The following ZNF736 variants were observed in gnomAD, a reference collection of about 807,000 sequenced individuals.
The protein encoded by ZNF736 is zinc finger protein 736, also known as KRAB-containing zinc-finger repressor protein.
In ZNF736, 6 loss-of-function variants were observed where a neutral mutation model predicts 11.7. The ratio of observed to expected loss-of-function variants is 0.51; its 90% CI spans 0.28 to 1.01. The LOEUF (loss-of-function observed/expected upper bound fraction) is 1.01. Among genes scored for constraint, ZNF736 ranks in the 50% least tolerant of loss-of-function variants. The pLI, the probability that ZNF736 is intolerant of heterozygous loss-of-function variation, is 0.09. For missense variants in ZNF736, 444 were observed against 496.0 expected (o/e 0.90, Z 1.00); for synonymous variants, 139 against 164.7 (o/e 0.84, Z 1.19).
At chr7:64,325,135 GC>G (rs1789066007) in intron 1 of ZNF736, among the ~76,000 whole-genome samples, 1 of 150,366 alleles carries the variant, frequency 6.7e-6, no homozygotes, top group Non-Finnish European at 1.5e-5. Flanking sequence ...TTAAATACAC[GC>G]TTAGGTTGAA....
At chr7:64,337,925 T>C (rs1789283156) in intron 3 of ZNF736, among the ~76,000 whole-genome samples, 1 of 152,090 alleles carries the variant, frequency 6.6e-6, no homozygotes, top group African/African-American at 2.4e-5. Context: ...CGGCTAATTT[T>C]GTATTTTTTA....
chr7:64,318,507 A>G (rs1046811145), intron 1 of ZNF736, among the ~76,000 whole-genome samples: 3 of 152,072 alleles, frequency 2.0e-5, no homozygotes, highest in Non-Finnish European at 4.4e-5. Flanking sequence ...CTAAAGTTAA[A>G]CTTCCTATTA....
chr7:64,351,464 G>T lies in ZNF736; in HGVS notation c.*2317G>T, dbSNP rs73135633. On this transcript the variant is annotated 3_prime_UTR_variant, in exon 4 of 4. Transcript: ENST00000423484. ...TTCATGAGTCAGGCATGTCCCTCCAGTGCAGATGCTCTGGTATGAGCTTCC... is the reference window on the plus strand; with the variant it reads ...TTCATGAGTCAGGCATGTCCCTCCATTGCAGATGCTCTGGTATGAGCTTCC... 9.6e-3 allele frequency: 1,471 copies of T among 152,452 alleles called. 15 individuals carry two copies. The highest frequency in any genetic ancestry group is 0.017 in the Middle Eastern group (5 of 294). The allele number at this position is 152,452 out of a possible 1,614,324, so 9.4% of individuals were successfully genotyped here.
At position 64,336,294 on chromosome 7, in the gene ZNF736, CTCCCCAGAAGAGTG is replaced by C. The variant is rs1789248095; in HGVS notation, c.40_53del (p.Ser14GlyfsTer12). The C allele has an allele frequency of 6.2e-7, 1 of 1,612,982 alleles. No individual in the cohort carries two copies. Among genetic ancestry groups the C allele is most frequent in the African/African-American group, 1.3e-5 (1 of 74,896 alleles). Reference sequence around the variant, plus strand: ...CATTCAGGGATGTGGCTGTAGAATTCTCCCCAGAAGAGTGGGAATGCCTGGACTCTGCTCAGCAG... The same window carrying C: ...CATTCAGGGATGTGGCTGTAGAATTCGGAATGCCTGGACTCTGCTCAGCAG... On this transcript the variant is annotated frameshift_variant, in exon 2 of 4. Transcript: ENST00000423484. LOFTEE classifies it high-confidence loss of function.
intron 1 of ZNF736, among the ~76,000 whole-genome samples, chr7:64,324,885 G>A (rs1206352266): frequency 6.6e-6 from 1 of 152,138 alleles, no homozygotes. Flanking sequence ...AATTATTCTG[G>A]GTCTTAAAGG....
At chr7:64,334,331 A>G (rs1043980864) in intron 1 of ZNF736, among the ~76,000 whole-genome samples, 3 of 152,228 alleles carry the variant, frequency 2.0e-5, no homozygotes, top group African/African-American at 7.2e-5. Context: ...CTGCATAGCA[A>G]AAGAAACTGT....
At chr7:64,346,672 C>T (rs1232119041) in intron 3 of ZNF736, among the ~76,000 whole-genome samples, 1 of 151,946 alleles carries the variant, frequency 6.6e-6, no homozygotes, top group East Asian at 1.9e-4. Context: ...TTAGAAATCT[C>T]TTTGTGTTAT....
intron 1 of ZNF736, among the ~76,000 whole-genome samples, chr7:64,330,129 T>C (rs970647559): frequency 1.7e-4 from 26 of 151,862 alleles, no homozygotes; most frequent in African/African-American, 6.3e-4. Context: ...CTGCCAGGCC[T>C]GCTTCTTTTG....
At chr7:64,319,333 GTA>G (rs71060585) in intron 1 of ZNF736, among the ~76,000 whole-genome samples, 8,818 of 70,978 alleles carry the variant, frequency 0.12, 844 homozygotes, top group Non-Finnish European at 0.15. Flanking sequence ...GTGTGTATGT[GTA>G]TATATATATA....
chr7:64,333,281 G>A (rs592136), intron 1 of ZNF736, among the ~76,000 whole-genome samples: 40,098 of 152,122 alleles, frequency 0.26, 6,289 homozygotes, highest in Middle Eastern at 0.39. Flanking sequence ...AAGGGGCTCT[G>A]AGAAATACTT....
Position 64,320,052 on chromosome 7 carries a change from A to C in ZNF736, c.3+5899A>C, listed in dbSNP as rs560696927. Among the ~76,000 whole-genome samples, 14 of 152,346 alleles carry C rather than the reference A, an allele frequency of 9.2e-5. No individual in the cohort carries two copies. In the East Asian group the frequency reaches 2.5e-3, roughly 27 times the overall value. Reference sequence around the variant, plus strand: ...AAAGTTTCTATTACACTCTAAATATAAACTGAAATTTTAAATTAAAGGGAT... The same window carrying C: ...AAAGTTTCTATTACACTCTAAATATCAACTGAAATTTTAAATTAAAGGGAT... On this transcript the variant is annotated intron_variant, in intron 1 of 3. Transcript: ENST00000423484.
At chr7:64,315,315 A>G (rs1386602014) in intron 1 of ZNF736, among the ~76,000 whole-genome samples, 1 of 152,016 alleles carries the variant, frequency 6.6e-6, no homozygotes, top group African/African-American at 2.4e-5. Context: ...ATCAGAGAAC[A>G]CCCAGCTATG....
intron 1 of ZNF736, among the ~76,000 whole-genome samples, chr7:64,326,527 T>C (rs1329422232): frequency 6.6e-6 from 1 of 152,212 alleles, no homozygotes; most frequent in Non-Finnish European, 1.5e-5. Context: ...TAACTTTTCA[T>C]TATGTTTCTT....
chr7:64,346,575 T>A (rs1276178993), intron 3 of ZNF736, among the ~76,000 whole-genome samples: 2 of 152,148 alleles, frequency 1.3e-5, no homozygotes, highest in Non-Finnish European at 2.9e-5. Flanking sequence ...GAAGCATGCA[T>A]ATAAATAACA....
At chr7:64,343,337 C>T (rs187354713) in intron 3 of ZNF736, among the ~76,000 whole-genome samples, 2 of 152,096 alleles carry the variant, frequency 1.3e-5, no homozygotes, top group East Asian at 1.9e-4. Flanking sequence ...CATGTTCTTA[C>T]TTACAAGTGA....
chr7:64,333,327 A>G (rs1029412703), intron 1 of ZNF736, among the ~76,000 whole-genome samples: 11 of 152,114 alleles, frequency 7.2e-5, no homozygotes, highest in Non-Finnish European at 1.0e-4. Context: ...CTTATTCCCT[A>G]CGTCCCAGCT....
intron 1 of ZNF736, among the ~76,000 whole-genome samples, chr7:64,329,538 G>C (rs1407228360): frequency 6.6e-6 from 1 of 152,120 alleles, no homozygotes. Flanking sequence ...GTGGTCATAG[G>C]TAAGATCCAA....
At chr7:64,322,202 C>T (rs1249860462) in intron 1 of ZNF736, among the ~76,000 whole-genome samples, 2 of 151,958 alleles carry the variant, frequency 1.3e-5, no homozygotes, top group Admixed American at 1.3e-4. Flanking sequence ...TAATTTCTCC[C>T]TCTTCTTTTT....
At chr7:64,318,057 C>A (rs1788941838) in intron 1 of ZNF736, among the ~76,000 whole-genome samples, 2 of 151,554 alleles carry the variant, frequency 1.3e-5, no homozygotes, top group Admixed American at 6.6e-5. Context: ...ATAGTGAAAG[C>A]CTGAGAAGTA....
Sources: gnomAD v4.1 joint callset for allele counts (sites outside exome capture counted in the v4.1 genomes callset) on GRCh38, gnomAD v4.1.1 for gene constraint, MANE v1.5 for transcripts, NCBI Gene and HGNC (gene_info 2026-07-23, HGNC 2026-07-21) for gene names.